Variants in BABAM2 observed in about 807,000 individuals in gnomAD.
BABAM2 encodes the protein BRISC and BRCA1-A complex member 2.
Under a neutral mutation model 54.7 loss-of-function variants are expected in BABAM2, and 31 were observed. The observed-to-expected ratio is 0.57, with a 90% CI of 0.43 to 0.77. The LOEUF (loss-of-function observed/expected upper bound fraction) is 0.77, where lower values mean the gene tolerates loss of function less well. Ranked by LOEUF, BABAM2 falls within the 30% of genes least tolerant of loss-of-function variation. The pLI, the probability that BABAM2 is intolerant of heterozygous loss-of-function variation, is 0.00. For missense variants in BABAM2, 364 were observed against 455.8 expected, an observed-to-expected ratio of 0.80 and a Z score of 1.83; for synonymous variants, 167 against 162.9, an observed-to-expected ratio of 1.03 and a Z score of -0.19.
intron 4 of BABAM2, among the ~76,000 whole-genome samples, chr2:28,010,557 G>A (rs1674314074): frequency 6.6e-6 from 1 of 152,070 alleles, no homozygotes; most frequent in Non-Finnish European, 1.5e-5. Context: ...CCCTAAAGAG[G>A]TAAAAGGGTG....
chr2:28,126,368 C>A (rs1160175099), intron 6 of BABAM2, among the ~76,000 whole-genome samples: 9 of 145,772 alleles, frequency 6.2e-5, no homozygotes, highest in African/African-American at 2.3e-4. Context: ...TGTTCAGTTC[C>A]CACCTATGAG....
chr2:28,192,004 C>A (rs1022011110), intron 7 of BABAM2, among the ~76,000 whole-genome samples: 5 of 152,128 alleles, frequency 3.3e-5, no homozygotes, highest in African/African-American at 1.2e-4. Flanking sequence ...AGCTCAGTGT[C>A]CCATTGATGT....
intron 7 of BABAM2, among the ~76,000 whole-genome samples, chr2:28,225,453 A>G (rs970650806): frequency 4.6e-5 from 7 of 152,126 alleles, no homozygotes; most frequent in Admixed American, 1.3e-4. Context: ...TTTATTTACA[A>G]TTTGAAGGCT....
In BABAM2 at chr2:27,950,096, C is replaced by G. The variant is rs553629026; in HGVS notation, c.205+20188C>G. Among the ~76,000 whole-genome samples the G allele has an allele frequency of 2.6e-5, 4 of 152,246 alleles. 1 individual carries two copies. The South Asian group carries it at 8.3e-4, about 32-fold the overall frequency. On this transcript the variant is annotated intron_variant, in intron 3 of 11. Coordinates refer to ENST00000379624, the MANE Select transcript of BABAM2 (RefSeq NM_199191.3). Reference sequence around the variant, plus strand: ...CTTCCAGCAGGAGACGGATGTTTTTCAGAGAAATCAACTGTGGAAAAATGA... The same window carrying G: ...CTTCCAGCAGGAGACGGATGTTTTTGAGAGAAATCAACTGTGGAAAAATGA...
intron 4 of BABAM2, among the ~76,000 whole-genome samples, chr2:28,020,478 A>G (rs1428915218): frequency 2.6e-5 from 4 of 152,148 alleles, no homozygotes; most frequent in African/African-American, 9.7e-5. Flanking sequence ...GCTCCCAACT[A>G]TGGATATCAG....
At chr2:27,990,169 G>T (rs1380200971) in intron 4 of BABAM2, among the ~76,000 whole-genome samples, 2 of 152,152 alleles carry the variant, frequency 1.3e-5, no homozygotes, top group Non-Finnish European at 2.9e-5. Flanking sequence ...CTTCTTCATG[G>T]ATCAGCGGGC....
chr2:28,033,687 G>GT (rs1052622501), intron 5 of BABAM2, among the ~76,000 whole-genome samples: 37 of 152,004 alleles, frequency 2.4e-4, no homozygotes, highest in African/African-American at 8.7e-4. Flanking sequence ...TTCAAACACA[G>GT]TGTTTATTAA....
intron 3 of BABAM2, among the ~76,000 whole-genome samples, chr2:27,935,501 C>T (rs974915225): frequency 3.3e-5 from 5 of 152,178 alleles, no homozygotes; most frequent in African/African-American, 1.2e-4. Context: ...AAAGTAGTTT[C>T]TTGAGATCGA....
intron 7 of BABAM2, among the ~76,000 whole-genome samples, chr2:28,222,784 C>G (rs1680536133): frequency 6.6e-6 from 1 of 152,224 alleles, no homozygotes; most frequent in East Asian, 1.9e-4. Flanking sequence ...AAATCTTTCC[C>G]TTTCTGTTGT....
chr2:28,025,396 T>C lies in BABAM2; in HGVS notation c.471T>C (p.Ile157=), dbSNP rs771777499. Residue 157 remains isoleucine (I), a synonymous_variant, in exon 5 of 12, where the codon ATT becomes ATC. Transcript: ENST00000379624. ...CACAGTATGGAGAGAACATGGAAAT[T>C]TATGCTGGGAAAAAAAACAACTGGG... ...EEPQYGENME[I]YAGKKNNWTG... is the part of the protein sequence containing the mutation. 2.5e-6 allele frequency: 4 copies of C among 1,574,438 alleles called. No individual in the cohort carries two copies. The South Asian group carries it at 4.8e-5, about 19-fold the overall frequency.
At chr2:28,198,409 A>G (rs561572180) in intron 7 of BABAM2, among the ~76,000 whole-genome samples, 6 of 151,854 alleles carry the variant, frequency 4.0e-5, no homozygotes, top group Non-Finnish European at 8.8e-5. Context: ...CTTGTGATCC[A>G]CCCACCTCAG....
At chr2:28,055,196 A>C (rs1678305385) in intron 6 of BABAM2, among the ~76,000 whole-genome samples, 1 of 152,216 alleles carries the variant, frequency 6.6e-6, no homozygotes, top group African/African-American at 2.4e-5. Flanking sequence ...CTTACTCATA[A>C]GTGGGAGCTG....
intron 3 of BABAM2, among the ~76,000 whole-genome samples, chr2:27,968,996 A>G (rs1671021972): frequency 6.6e-6 from 1 of 152,138 alleles, no homozygotes; most frequent in South Asian, 2.1e-4. Context: ...CCCAAATCTC[A>G]TCTTGAATTC....
At chr2:28,233,329 G>A in intron 7 of BABAM2, 1 of 468,192 alleles carries the variant, frequency 2.1e-6, no homozygotes, top group South Asian at 1.6e-5. Flanking sequence ...GGAATGTCTT[G>A]AGTGAGCCCT....
intron 4 of BABAM2, among the ~76,000 whole-genome samples, chr2:27,992,779 C>G (rs1672870934): frequency 6.6e-6 from 1 of 152,132 alleles, no homozygotes; most frequent in Non-Finnish European, 1.5e-5. Context: ...TTGCTCAGCC[C>G]TTTCCAGCCA....
intron 6 of BABAM2, among the ~76,000 whole-genome samples, chr2:28,079,254 C>G (rs1244017009): frequency 7.2e-5 from 11 of 152,170 alleles, no homozygotes. Context: ...AGGGGCTACA[C>G]AGGCCCTTCC....
intron 10 of BABAM2, among the ~76,000 whole-genome samples, chr2:28,286,398 T>C (rs1049611064): frequency 9.2e-5 from 14 of 152,184 alleles, no homozygotes; most frequent in African/African-American, 3.4e-4. Context: ...GTAATGCTCA[T>C]AGAAAGACGT....
intron 3 of BABAM2, among the ~76,000 whole-genome samples, chr2:27,970,018 C>T (rs1351010046): frequency 6.6e-6 from 1 of 152,168 alleles, no homozygotes; most frequent in Non-Finnish European, 1.5e-5. Flanking sequence ...TTTCTTGCTA[C>T]TCTGCTTTTG....
At position 28,045,811 on chromosome 2, in the gene BABAM2, T is replaced by C; in HGVS notation, c.570+12T>C. ...CATACCTTCTCAAGGTAAAAATATA[T>C]GATTTTCAGTATGAGAATATAAGTG... On this transcript the variant is annotated intron_variant, in intron 6 of 11. Transcript: ENST00000379624. The C allele has an allele frequency of 6.3e-7, 1 of 1,591,856 alleles. No homozygotes were observed.
Sources: allele counts gnomAD v4.1 joint callset (sites outside exome capture counted in the v4.1 genomes callset), GRCh38; gene constraint gnomAD v4.1.1; transcripts MANE v1.5; gene names NCBI Gene and HGNC (gene_info 2026-07-23, HGNC 2026-07-21).